Variants in EDNRB observed in about 807,000 individuals in gnomAD.
The protein encoded by EDNRB is endothelin receptor type B.
EDNRB carries 18 observed loss-of-function variants against 46.4 expected under a neutral mutation model. The observed-to-expected ratio is 0.39, with a 90% CI of 0.27 to 0.57. The LOEUF (loss-of-function observed/expected upper bound fraction) is 0.57, where lower values mean the gene tolerates loss of function less well. Among genes scored for constraint, EDNRB ranks in the 20% least tolerant of loss-of-function variants. The pLI, the probability that EDNRB is intolerant of heterozygous loss-of-function variation, is 0.61. For synonymous variants in EDNRB, 213 were observed against 204.9 expected (o/e 1.04, Z -0.34); for missense variants, 434 against 537.5 (o/e 0.81, Z 1.90).
At position 77,901,066 on chromosome 13, in the gene EDNRB, G is replaced by A. The variant is rs1472848415; in HGVS notation, c.943C>T (p.Leu315=). ...TATTTGTATTTTCTTACCTGCTTTAGGTGATCATTTAAAGCAATCTGCATG... is the reference window on the plus strand; with the variant it reads ...TATTTGTATTTTCTTACCTGCTTTAAGTGATCATTTAAAGCAATCTGCATG... ...SGMQIALNDH[L]KQRREVAKTV... Residue 315 remains leucine, a synonymous_variant, in exon 4 of 7, where the codon CTA becomes TTA. Coordinates refer to ENST00000646607, the MANE Select transcript of EDNRB (RefSeq NM_001122659.3). 1 of 1,610,252 alleles carries A rather than the reference G, an allele frequency of 6.2e-7. No homozygotes were observed. Among genetic ancestry groups the A allele is most frequent in the South Asian group, 1.1e-5 (1 of 90,970 alleles).
intron 1 of EDNRB, among the ~76,000 whole-genome samples, chr13:77,970,178 A>T (rs73233112): frequency 0.085 from 12,988 of 152,218 alleles, 708 homozygotes; most frequent in Non-Finnish European, 0.12. Context: ...ACCCATACTT[A>T]TTCAGCTTGG....
At chr13:77,919,796 T>A (rs1594375322), upstream of EDNRB, 1 of 605,610 alleles carries the variant, frequency 1.7e-6, no homozygotes, top group Non-Finnish European at 2.8e-6. Flanking sequence ...GCTCTTCAAA[T>A]GAACCCAAAT....
At chr13:77,931,783 A>C (rs982933835) in intron 1 of EDNRB, among the ~76,000 whole-genome samples, 24 of 146,918 alleles carry the variant, frequency 1.6e-4, no homozygotes, top group South Asian at 8.8e-4. Context: ...AACAAAAAAA[A>C]CCTCCTCTTT....
intron 1 of EDNRB, among the ~76,000 whole-genome samples, chr13:77,924,861 G>A (rs763896701): frequency 2.0e-5 from 3 of 152,184 alleles, no homozygotes; most frequent in Non-Finnish European, 4.4e-5. Context: ...TCCTGTACAA[G>A]CTCCTTTTTG....
At chr13:77,968,598 T>A (rs951604046) in intron 1 of EDNRB, among the ~76,000 whole-genome samples, 1 of 152,048 alleles carries the variant, frequency 6.6e-6, no homozygotes, top group African/African-American at 2.4e-5. Flanking sequence ...TAAATAAACA[T>A]GAAAATAAAA....
At chr13:77,941,090 C>G (rs2137664712) in intron 1 of EDNRB, among the ~76,000 whole-genome samples, 1 of 152,242 alleles carries the variant, frequency 6.6e-6, no homozygotes, top group African/African-American at 2.4e-5. Flanking sequence ...GAGCCTGAAG[C>G]TCATAATATA....
intron 1 of EDNRB, among the ~76,000 whole-genome samples, chr13:77,938,168 G>T (rs1880623815): frequency 6.6e-6 from 1 of 152,056 alleles, no homozygotes; most frequent in Non-Finnish European, 1.5e-5. Context: ...GTGGAAGGTT[G>T]CCCATAGTGA....
Position 77,896,469 on chromosome 13 carries a change from C to T in EDNRB, c.*1731G>A. 1 of 1,575,594 alleles carries T rather than the reference C, an allele frequency of 6.3e-7. No individual in the cohort carries two copies. The highest frequency in any genetic ancestry group is 8.6e-7 in the Non-Finnish European group (1 of 1,158,696). On this transcript the variant is annotated 3_prime_UTR_variant, in exon 7 of 7. Coordinates refer to ENST00000646607, the MANE Select transcript of EDNRB (RefSeq NM_001122659.3). Reference sequence around the variant, plus strand: ...AATTATTATTGCTCTTTCTTTCTGGCCACATTGTTGGGTTTTGGTTTACTG... The same window carrying T: ...AATTATTATTGCTCTTTCTTTCTGGTCACATTGTTGGGTTTTGGTTTACTG...
chr13:77,913,196 C>T (rs957140772), intron 1 of EDNRB, among the ~76,000 whole-genome samples: 1 of 152,160 alleles, frequency 6.6e-6, no homozygotes, highest in African/African-American at 2.4e-5. Flanking sequence ...TCACTTCACT[C>T]GAAACTCATT....
intron 3 of EDNRB, among the ~76,000 whole-genome samples, chr13:77,901,739 T>C (rs1878998022): frequency 6.6e-6 from 1 of 151,984 alleles, no homozygotes; most frequent in Non-Finnish European, 1.5e-5. Flanking sequence ...TTTTCTTCTC[T>C]GTTATCTTTT....
rs977380746 is a variant in EDNRB at position 77,903,204 on chromosome 13, A to G, written c.753T>C (p.Tyr251=). Residue 251 remains tyrosine (Y), a synonymous_variant, in exon 3 of 7, where the codon TAT becomes TAC. Transcript: ENST00000646607. ...CGGGATGAAGCAAGCAGATTCGCAG[A>G]TAACTTCCTTTGTAGTCCATCGTAA... The part of the protein sequence containing the change: ...DIITMDYKGS[Y]LRICLLHPVQ... 1.9e-6 allele frequency: 3 copies of G among 1,612,896 alleles called. No homozygotes were observed. The East Asian group carries it at 6.7e-5, about 36-fold the overall frequency.
At chr13:77,934,626 G>T (rs1196842045) in intron 1 of EDNRB, among the ~76,000 whole-genome samples, 1 of 144,498 alleles carries the variant, frequency 6.9e-6, no homozygotes, top group Non-Finnish European at 1.5e-5. Flanking sequence ...TGTTAGTAAA[G>T]TCAATTTGCC....
In EDNRB at chr13:77,898,038, A is replaced by C. The variant is rs1334139492; in HGVS notation, c.*162T>G. ...TTCCATGCCGTAAACAGCTCATAAAATGTCATATGTAGCTGTGAGTGTTAA... is the reference window on the plus strand; with the variant it reads ...TTCCATGCCGTAAACAGCTCATAAACTGTCATATGTAGCTGTGAGTGTTAA... On this transcript the variant is annotated 3_prime_UTR_variant, in exon 7 of 7. Coordinates refer to ENST00000646607, the MANE Select transcript of EDNRB (RefSeq NM_001122659.3). The C allele has an allele frequency of 7.0e-7, 1 of 1,427,768 alleles. No individual in the cohort carries two copies. Among genetic ancestry groups the C allele is most frequent in the Non-Finnish European group, 9.1e-7 (1 of 1,094,086 alleles). The allele number at this position is 1,427,768 out of a possible 1,614,324, so 88.4% of individuals were successfully genotyped here.
intron 1 of EDNRB, among the ~76,000 whole-genome samples, chr13:77,952,014 G>C (rs1035937443): frequency 6.6e-6 from 1 of 152,098 alleles, no homozygotes; most frequent in Non-Finnish European, 1.5e-5. Context: ...CCTTTGGGTC[G>C]GGGGTTTCCC....
At chr13:77,905,358 A>T (rs1322610932) in intron 1 of EDNRB, among the ~76,000 whole-genome samples, 1 of 152,106 alleles carries the variant, frequency 6.6e-6, no homozygotes, top group East Asian at 1.9e-4. Context: ...CAATTCATAT[A>T]TATTTTTAAA....
At chr13:77,959,697 CTT>C (rs1881348145) in intron 1 of EDNRB, among the ~76,000 whole-genome samples, 1 of 152,340 alleles carries the variant, frequency 6.6e-6, no homozygotes, top group African/African-American at 2.4e-5. Flanking sequence ...TGGAGAATAA[CTT>C]TGACGAATTG....
upstream of EDNRB, chr13:77,919,518 G>T (rs774758814): frequency 3.1e-6 from 5 of 1,612,796 alleles, no homozygotes; most frequent in Non-Finnish European, 3.4e-6. Context: ...GCTGCAGGCG[G>T]GTCCGGCTCT....
chr13:77,966,815 C>T (rs2137691214), intron 1 of EDNRB, among the ~76,000 whole-genome samples: 1 of 152,216 alleles, frequency 6.6e-6, no homozygotes, highest in Non-Finnish European at 1.5e-5. Context: ...GAAATGATGA[C>T]ATTTGTGCAG....
intron 1 of EDNRB, among the ~76,000 whole-genome samples, chr13:77,967,552 A>G (rs1881617212): frequency 6.6e-6 from 1 of 152,208 alleles, no homozygotes; most frequent in South Asian, 2.1e-4. Flanking sequence ...CCTTATTGCA[A>G]AGCCACTGCA....
Sources: allele counts gnomAD v4.1 joint callset (sites outside exome capture counted in the v4.1 genomes callset), GRCh38; gene constraint gnomAD v4.1.1; transcripts MANE v1.5; gene names NCBI Gene and HGNC (gene_info 2026-07-23, HGNC 2026-07-21).